The following GRID1 variants were observed in gnomAD, a reference collection of about 807,000 sequenced individuals.
GRID1 encodes the protein glutamate ionotropic receptor delta type subunit 1, also known as glutamate receptor ionotropic, delta-1.
GRID1 carries 28 observed loss-of-function variants against 98.0 expected under a neutral mutation model. That is an observed-to-expected ratio of 0.29 (90% CI 0.21 to 0.39). The LOEUF (loss-of-function observed/expected upper bound fraction) is 0.39. Ranked by LOEUF, GRID1 falls within the 10% of genes least tolerant of loss-of-function variation. GRID1 has a pLI of 1.00. For missense variants in GRID1, 1,111 were observed against 1,340.5 expected (o/e 0.83, Z 2.67); for synonymous variants, 553 against 538.5 (o/e 1.03, Z -0.37).
intron 12 of GRID1, among the ~76,000 whole-genome samples, chr10:85,697,450 C>T (rs988057951): frequency 6.6e-6 from 1 of 152,098 alleles, no homozygotes; most frequent in Admixed American, 6.6e-5. Flanking sequence ...CTTATGCTTA[C>T]TGTTTACATG....
chr10:85,666,635 T>C (rs565413943), intron 12 of GRID1, among the ~76,000 whole-genome samples: 1 of 152,242 alleles, frequency 6.6e-6, no homozygotes, highest in Non-Finnish European at 1.5e-5. Flanking sequence ...AATAAACCAG[T>C]TTCAAGAGCC....
intron 4 of GRID1, among the ~76,000 whole-genome samples, chr10:85,971,446 C>T (rs1359351418): frequency 6.6e-6 from 1 of 151,824 alleles, no homozygotes; most frequent in East Asian, 1.9e-4. Context: ...CCAAAAAGAC[C>T]CATATTCAGC....
At chr10:86,077,803 A>T (rs1843904326) in intron 4 of GRID1, among the ~76,000 whole-genome samples, 5 of 152,204 alleles carry the variant, frequency 3.3e-5, no homozygotes, top group Admixed American at 3.3e-4. Flanking sequence ...CAAATCATGG[A>T]TGGGAAAAAA....
intron 6 of GRID1, among the ~76,000 whole-genome samples, chr10:85,862,710 G>A (rs1843175323): frequency 6.6e-6 from 1 of 152,156 alleles, no homozygotes; most frequent in African/African-American, 2.4e-5. Flanking sequence ...AGTTGACTGA[G>A]GACCAGGGAT....
chr10:85,991,539 G>T (rs140600644), intron 4 of GRID1, among the ~76,000 whole-genome samples: 1 of 152,156 alleles, frequency 6.6e-6, no homozygotes, highest in African/African-American at 2.4e-5. Context: ...GAGGTGGACA[G>T]TGGGAGTTTG....
chr10:85,766,472 C>T (rs1328731852), intron 8 of GRID1, among the ~76,000 whole-genome samples: 3 of 152,026 alleles, frequency 2.0e-5, no homozygotes, highest in Admixed American at 6.6e-5. Context: ...GGAAACAGAG[C>T]GAGATTTGTC....
chr10:85,772,449 A>T (rs1316518638), intron 8 of GRID1, among the ~76,000 whole-genome samples: 1 of 151,204 alleles, frequency 6.6e-6, no homozygotes, highest in African/African-American at 2.5e-5. Context: ...AAAAGCTAGC[A>T]GAAGGCAAGA....
intron 8 of GRID1, among the ~76,000 whole-genome samples, chr10:85,846,239 T>G (rs1322916875): frequency 2.0e-5 from 3 of 152,134 alleles, no homozygotes; most frequent in Non-Finnish European, 4.4e-5. Context: ...TTTTTTAAAA[T>G]AGCAATAAAA....
intron 2 of GRID1, among the ~76,000 whole-genome samples, chr10:86,350,937 A>G (rs1323589873): frequency 4.0e-5 from 6 of 151,736 alleles, no homozygotes; most frequent in Non-Finnish European, 5.9e-5. Context: ...TCTTCTCCCT[A>G]TCTTCCCTCC....
chr10:86,336,028 C>T (rs1848216263), intron 2 of GRID1, among the ~76,000 whole-genome samples: 1 of 152,186 alleles, frequency 6.6e-6, no homozygotes, highest in South Asian at 2.1e-4. Flanking sequence ...GGCAGGAATC[C>T]AGGAGTCACA....
intron 2 of GRID1, among the ~76,000 whole-genome samples, chr10:86,340,811 G>C (rs1001473852): frequency 1.3e-5 from 2 of 152,156 alleles, no homozygotes; most frequent in Non-Finnish European, 2.9e-5. Flanking sequence ...GGACTGGAGC[G>C]GGAAGCTGCC....
chr10:85,981,125 G>A (rs1842539602), intron 4 of GRID1, among the ~76,000 whole-genome samples: 1 of 152,178 alleles, frequency 6.6e-6, no homozygotes, highest in African/African-American at 2.4e-5. Flanking sequence ...CATGAGCACA[G>A]AGAGTTGGGA....
In GRID1 at chr10:86,238,562, T is replaced by C. The variant is rs375996411; in HGVS notation, c.236-31914A>G. On this transcript the variant is annotated intron_variant, in intron 2 of 15. Coordinates refer to ENST00000327946, the MANE Select transcript of GRID1 (RefSeq NM_017551.3). Reference sequence around the variant, plus strand: ...GCACATGCCTATAGTCCCAGCTACTTGGGAGGCTGAGGCAGGAGAATCACT... The same window carrying C: ...GCACATGCCTATAGTCCCAGCTACTCGGGAGGCTGAGGCAGGAGAATCACT... 2.8e-3 allele frequency among the ~76,000 whole-genome samples: 406 copies of C among 147,488 alleles called. 3 individuals carry two copies. The highest frequency in any genetic ancestry group is 9.7e-3 in the African/African-American group (382 of 39,366).
intron 4 of GRID1, among the ~76,000 whole-genome samples, chr10:86,086,819 G>A (rs1175014388): frequency 1.3e-5 from 2 of 152,150 alleles, no homozygotes; most frequent in African/African-American, 4.8e-5. Flanking sequence ...TCCTGAACAT[G>A]ACTTCACTTT....
At chr10:86,203,289 G>A (rs759104922) in intron 3 of GRID1, among the ~76,000 whole-genome samples, 1 of 152,136 alleles carries the variant, frequency 6.6e-6, no homozygotes, top group Non-Finnish European at 1.5e-5. Flanking sequence ...GCCCTGAGGT[G>A]TTCCAGAGGC....
At chr10:86,040,250 T>G (rs1473424688) in intron 4 of GRID1, among the ~76,000 whole-genome samples, 1 of 152,142 alleles carries the variant, frequency 6.6e-6, no homozygotes, top group Non-Finnish European at 1.5e-5. Flanking sequence ...AGGGTATATA[T>G]CCAAAGGAAA....
intron 4 of GRID1, among the ~76,000 whole-genome samples, chr10:86,078,809 T>A (rs1564668118): frequency 1.3e-5 from 2 of 152,140 alleles, no homozygotes; most frequent in Admixed American, 1.3e-4. Flanking sequence ...TGCAGCTAAA[T>A]CCCTGGGACT....
Position 85,870,887 on chromosome 10 carries a change from G to T in GRID1, c.781-1707C>A, listed in dbSNP as rs1564614492. Among the ~76,000 whole-genome samples, 3 of 152,096 alleles carry T rather than the reference G, an allele frequency of 2.0e-5. 1 individual carries two copies. The South Asian group carries it at 6.2e-4, about 32-fold the overall frequency. ...AAATGCTAATATTAAGGGAGACAAG[G>T]AGCTCTTGAAAGGATCTGGGCTCAA... On this transcript the variant is annotated intron_variant, in intron 5 of 15. Coordinates refer to ENST00000327946, the MANE Select transcript of GRID1 (RefSeq NM_017551.3).
intron 3 of GRID1, among the ~76,000 whole-genome samples, chr10:86,204,827 A>G (rs1246440615): frequency 3.3e-5 from 5 of 152,256 alleles, no homozygotes; most frequent in African/African-American, 9.6e-5. Flanking sequence ...GGCAGTGTCC[A>G]TGCCTCTCCA....
Sources: allele counts gnomAD v4.1 joint callset (sites outside exome capture counted in the v4.1 genomes callset), GRCh38; gene constraint gnomAD v4.1.1; transcripts MANE v1.5; gene names NCBI Gene and HGNC (gene_info 2026-07-23, HGNC 2026-07-21).